The following PTPRG variants were observed in gnomAD, a reference collection of about 807,000 sequenced individuals.
PTPRG encodes the protein protein tyrosine phosphatase receptor type G, also known as receptor-type tyrosine-protein phosphatase gamma.
Under a neutral mutation model 165.3 loss-of-function variants are expected in PTPRG, and 102 were observed. That is an observed-to-expected ratio of 0.62 (90% confidence interval 0.53 to 0.73). The LOEUF (loss-of-function observed/expected upper bound fraction) is 0.73, where lower values mean the gene tolerates loss of function less well. PTPRG is among the 30% of genes least tolerant of loss of function. The pLI, the probability that PTPRG is intolerant of heterozygous loss-of-function variation, is 0.00. For missense variants in PTPRG, 1,866 were observed against 1,861.4 expected, an observed-to-expected ratio of 1.00 and a Z score of -0.05; for synonymous variants, 675 against 669.5, an observed-to-expected ratio of 1.01 and a Z score of -0.13.
intron 2 of PTPRG, among the ~76,000 whole-genome samples, chr3:61,762,476 T>C (rs1394937813): frequency 1.3e-5 from 2 of 148,734 alleles, no homozygotes; most frequent in Non-Finnish European, 3.0e-5. Flanking sequence ...CCGGGTGTAG[T>C]GGTGGGTGCC....
intron 2 of PTPRG, among the ~76,000 whole-genome samples, chr3:61,828,513 C>G (rs2036175818): frequency 6.6e-6 from 1 of 152,176 alleles, no homozygotes; most frequent in Non-Finnish European, 1.5e-5. Context: ...TTCATAGTGC[C>G]TGGCCCATGC....
chr3:61,766,864 C>T (rs1338717214), intron 2 of PTPRG, among the ~76,000 whole-genome samples: 3 of 151,888 alleles, frequency 2.0e-5, no homozygotes, highest in African/African-American at 7.2e-5. Flanking sequence ...AAATGATCTG[C>T]ACACCTTGGC....
rs1358489257 is a variant in PTPRG at position 61,842,701 on chromosome 3, AAAG to A, written c.190+93722_190+93724del. ...ATGTGTGGCAAAAAAAAAAAAAAAA[AAAG>A]AAAAAGAAAAAGCCAATGGAAAGTG... On this transcript the variant is annotated intron_variant, in intron 2 of 29. Transcript: ENST00000474889. Among the ~76,000 whole-genome samples the A allele has an allele frequency of 9.6e-3, 1,392 of 144,938 alleles. 10 individuals carry two copies. Among genetic ancestry groups the A allele is most frequent in the South Asian group, 0.023 (101 of 4,416 alleles).
intron 6 of PTPRG, among the ~76,000 whole-genome samples, chr3:62,138,261 A>G (rs1262510048): frequency 1.3e-5 from 2 of 152,240 alleles, no homozygotes; most frequent in South Asian, 2.1e-4. Flanking sequence ...CATTAGCAAA[A>G]ACACAAAGTG....
intron 1 of PTPRG, among the ~76,000 whole-genome samples, chr3:61,701,123 T>G (rs576848195): frequency 1.1e-4 from 17 of 152,288 alleles, no homozygotes; most frequent in African/African-American, 4.1e-4. Context: ...GCTAGCTGCA[T>G]ATTTCTTCTT....
intron 1 of PTPRG, among the ~76,000 whole-genome samples, chr3:61,622,384 C>T (rs1701485239): frequency 6.6e-6 from 1 of 151,932 alleles, no homozygotes; most frequent in Admixed American, 6.6e-5. Context: ...TAGTGCCTAA[C>T]AGAAGTTGGT....
At chr3:62,270,841 A>G (rs1265906624) in intron 20 of PTPRG, among the ~76,000 whole-genome samples, 2 of 152,238 alleles carry the variant, frequency 1.3e-5, no homozygotes, top group Non-Finnish European at 2.9e-5. Flanking sequence ...ACTACTCTGA[A>G]AAAGTCATTT....
chr3:61,930,245 AATATAAAAGATTTGT>A (rs1439067531), intron 2 of PTPRG, among the ~76,000 whole-genome samples: 2 of 152,194 alleles, frequency 1.3e-5, no homozygotes, highest in Non-Finnish European at 2.9e-5. Context: ...GGAAGATTTG[AATATAAAAGATTTGT>A]ATTTATATAA....
intron 13 of PTPRG, among the ~76,000 whole-genome samples, chr3:62,225,029 A>G (rs755957799): frequency 1.3e-5 from 2 of 152,196 alleles, no homozygotes; most frequent in Non-Finnish European, 2.9e-5. Context: ...ATGGCACCCT[A>G]TTGTGTGCCT....
rs148164867 is a variant in PTPRG at position 61,695,808 on chromosome 3, C to T, written c.86-53070C>T. Among the ~76,000 whole-genome samples the T allele has an allele frequency of 1.6e-3, 237 of 152,144 alleles. 1 individual carries two copies. Among genetic ancestry groups the T allele is most frequent in the Non-Finnish European group, 2.2e-3 (150 of 68,018 alleles). ...TGTTTTTGCCAAGTGAACAATAGTT[C>T]GAATCAAGGATGCTAATTATATGAT... On this transcript the variant is annotated intron_variant, in intron 1 of 29. Transcript: ENST00000474889.
chr3:61,928,533 G>A (rs1023002692), intron 2 of PTPRG, among the ~76,000 whole-genome samples: 1 of 152,160 alleles, frequency 6.6e-6, no homozygotes. Flanking sequence ...AGATTTCATG[G>A]ATGGGGCCAG....
At chr3:62,038,900 T>G (rs962631697) in intron 4 of PTPRG, among the ~76,000 whole-genome samples, 2 of 152,150 alleles carry the variant, frequency 1.3e-5, no homozygotes, top group Non-Finnish European at 2.9e-5. Context: ...ACCCAGGTAT[T>G]AAGCCTAGTA....
rs112317340 is a variant in PTPRG, at chr3:61,612,369, A to C, written c.85+49997A>C. On this transcript the variant is annotated intron_variant, in intron 1 of 29. Transcript: ENST00000474889. The stretch of plus-strand genomic sequence containing the variant: ...TTTCTGTAACCTTTGTCGTGACTCT[A>C]CAATTCCATCCAGTTGAGCAACTGT... Among the ~76,000 whole-genome samples, 363 of 152,344 alleles carry C rather than the reference A, an allele frequency of 2.4e-3. 1 individual carries two copies. Among genetic ancestry groups the C allele is most frequent in the African/African-American group, 8.3e-3 (344 of 41,588 alleles).
intron 1 of PTPRG, among the ~76,000 whole-genome samples, chr3:61,631,514 A>G (rs1302207770): frequency 6.6e-6 from 1 of 152,240 alleles, no homozygotes; most frequent in Non-Finnish European, 1.5e-5. Context: ...ATATAGTTGT[A>G]TAGAAAAACC....
chr3:61,563,974 G>C (rs952283432), intron 1 of PTPRG, among the ~76,000 whole-genome samples: 5 of 78,150 alleles, frequency 6.4e-5, no homozygotes, highest in Admixed American at 1.4e-4. Flanking sequence ...AACGCAGCTC[G>C]GAGGCCGAGC....
chr3:61,693,803 C>G (rs970475230), intron 1 of PTPRG, among the ~76,000 whole-genome samples: 13 of 151,818 alleles, frequency 8.6e-5, no homozygotes, highest in African/African-American at 2.7e-4. Flanking sequence ...CTCAGGAGTT[C>G]GAGACCATCC....
chr3:62,145,104 C>T (rs1380488214), intron 6 of PTPRG, among the ~76,000 whole-genome samples: 1 of 152,162 alleles, frequency 6.6e-6, no homozygotes, highest in Non-Finnish European at 1.5e-5. Context: ...ACCTGCTCGC[C>T]TGCTCTATGT....
chr3:61,849,134 A>C (rs1402689508), intron 2 of PTPRG, among the ~76,000 whole-genome samples: 1 of 152,230 alleles, frequency 6.6e-6, no homozygotes, highest in Non-Finnish European at 1.5e-5. Flanking sequence ...TCTTGAAACA[A>C]AACGTCAAAG....
intron 2 of PTPRG, among the ~76,000 whole-genome samples, chr3:61,811,187 T>C (rs1575682905): frequency 6.6e-6 from 1 of 152,184 alleles, no homozygotes; most frequent in Admixed American, 6.5e-5. Flanking sequence ...TGGAATGTCA[T>C]GGAAGGCCCA....
Sources: gnomAD v4.1 joint callset for allele counts (sites outside exome capture counted in the v4.1 genomes callset) on GRCh38, gnomAD v4.1.1 for gene constraint, MANE v1.5 for transcripts, NCBI Gene and HGNC (gene_info 2026-07-23, HGNC 2026-07-21) for gene names.